Variants in ZDHHC11 observed in about 807,000 individuals in gnomAD.
ZDHHC11 encodes the protein palmitoyltransferase ZDHHC11.
Under a neutral mutation model 51.3 loss-of-function variants are expected in ZDHHC11, and 44 were observed. The observed-to-expected ratio is 0.86, with a 90% confidence interval of 0.67 to 1.10. The LOEUF is 1.10. ZDHHC11 is among the 50% of genes least tolerant of loss of function. ZDHHC11 has a pLI of 0.00. For missense variants in ZDHHC11, 400 were observed against 537.7 expected (o/e 0.74, Z 2.53); for synonymous variants, 163 against 222.0 (o/e 0.73, Z 2.36).
chr5:815,050 G>A lies in ZDHHC11; in HGVS notation c.1147-255C>T, dbSNP rs1304007024. On this transcript the variant is annotated intron_variant, in intron 10 of 12. Coordinates refer to ENST00000283441, the MANE Select transcript of ZDHHC11 (RefSeq NM_024786.3). ...CCAGTACCTCAGAATGTGACTATAT[G>A]TGGAGACAGGGTCTTGAAAGAGGTA... Among the ~76,000 whole-genome samples the A allele has an allele frequency of 2.0e-5, 3 of 151,362 alleles. 1 individual carries two copies. Among genetic ancestry groups the A allele is most frequent in the Non-Finnish European group, 4.4e-5 (3 of 67,674 alleles).
intron 10 of ZDHHC11, among the ~76,000 whole-genome samples, chr5:818,490 G>T (rs143317094): frequency 6.6e-6 from 1 of 151,766 alleles, no homozygotes; most frequent in African/African-American, 2.4e-5. Flanking sequence ...GTGGTGAGGC[G>T]GCCCTGCCCC....
At chr5:845,233 C>CTGG (rs1745940952) in intron 3 of ZDHHC11, among the ~76,000 whole-genome samples, 1 of 152,308 alleles carries the variant, frequency 6.6e-6, no homozygotes, top group Non-Finnish European at 1.5e-5. Flanking sequence ...AAGCAGCAGC[C>CTGG]CCTCCAGGCA....
At chr5:818,016 T>C (rs1741047494) in intron 10 of ZDHHC11, among the ~76,000 whole-genome samples, 1 of 151,190 alleles carries the variant, frequency 6.6e-6, no homozygotes, top group East Asian at 1.9e-4. Flanking sequence ...TCCTCCCCGA[T>C]GTGAACAATG....
At chr5:809,426 G>A (rs374191091) in intron 11 of ZDHHC11, among the ~76,000 whole-genome samples, 3 of 147,752 alleles carry the variant, frequency 2.0e-5, no homozygotes, top group South Asian at 2.1e-4. Context: ...TGTGGGTCCC[G>A]GATGACAGGA....
At chr5:857,088 C>T (rs73018855) in intron 1 of ZDHHC11, among the ~76,000 whole-genome samples, 15,288 of 152,206 alleles carry the variant, frequency 0.1, 2,112 homozygotes, top group African/African-American at 0.31. Context: ...CACACACTCC[C>T]ACACACAATT....
Position 801,111 on chromosome 5 carries a change from T to C in ZDHHC11, c.1235A>G (p.Asp412Gly). The change falls in exon 12 of 13, where the codon GAC becomes GGC. Residue 412 changes from aspartate to glycine, a missense_variant. Coordinates refer to ENST00000283441, the MANE Select transcript of ZDHHC11 (RefSeq NM_024786.3). ...PMKTDSAESED is the reference protein window; with the variant it reads ...PMKTDSAESEG ...GCCACGTATCTTACCTGAATCTCAG[T>C]CTTCACTTTCAGCACTGTCAGTTTT... 2 of 1,610,020 alleles carry C rather than the reference T, an allele frequency of 1.2e-6. No homozygotes were observed. The highest frequency in any genetic ancestry group is 1.7e-6 in the Non-Finnish European group (2 of 1,176,854).
chr5:819,456 G>C, intron 10 of ZDHHC11, 69 bp downstream of exon 10: 1 of 1,526,462 alleles, frequency 6.6e-7, no homozygotes, highest in Non-Finnish European at 9.1e-7. Context: ...CCTCAGCTTG[G>C]GGGACCTCAG....
chr5:795,970 C>T lies in ZDHHC11; in HGVS notation c.*618G>A, dbSNP rs1316021007. The T allele has an allele frequency of 1.9e-4, 29 of 153,072 alleles. No homozygotes were observed. The highest frequency in any genetic ancestry group is 6.6e-4 in the African/African-American group (27 of 40,710). The allele number at this position is 153,072 out of a possible 1,614,324, so 9.5% of individuals were successfully genotyped here. ...TTTCTCAGTACTGTATGCCCATTTC[C>T]CAGTACTGTGCTCCCATTTCTCAGT... On this transcript the variant is annotated 3_prime_UTR_variant, in exon 13 of 13. Coordinates refer to ENST00000283441, the MANE Select transcript of ZDHHC11 (RefSeq NM_024786.3).
rs1199241459 is a variant in ZDHHC11 at position 795,679 on chromosome 5, G to T, written c.*909C>A. 6 of 154,146 alleles carry T rather than the reference G, an allele frequency of 3.9e-5. No homozygotes were observed. The highest frequency in any genetic ancestry group is 1.5e-4 in the African/African-American group (6 of 41,330). The allele number at this position is 154,146 out of a possible 1,614,324, so 9.5% of individuals were successfully genotyped here. ...AAATGACTACTAAACAGATTAAAAT[G>T]CAGAGTTCATTAAAATACAGAGGAT... On this transcript the variant is annotated 3_prime_UTR_variant, in exon 13 of 13. Coordinates refer to ENST00000283441, the MANE Select transcript of ZDHHC11 (RefSeq NM_024786.3).
chr5:858,559 G>T (rs1379622623), intron 1 of ZDHHC11, among the ~76,000 whole-genome samples: 4 of 152,080 alleles, frequency 2.6e-5, no homozygotes, highest in African/African-American at 9.7e-5. Context: ...CTGCCCTTAT[G>T]ACACTCTGGC....
chr5:820,317 A>C lies in ZDHHC11; in HGVS notation c.1059-705T>G, dbSNP rs1245719635. Reference sequence around the variant, plus strand: ...AGAAAAGCAATTTCATAGAAGACTTAATGGGTCGTTTGAAAGGGAATGAAC... The same window carrying C: ...AGAAAAGCAATTTCATAGAAGACTTCATGGGTCGTTTGAAAGGGAATGAAC... On this transcript the variant is annotated intron_variant, in intron 9 of 12. Transcript: ENST00000283441. 2.0e-5 allele frequency among the ~76,000 whole-genome samples: 3 copies of C among 151,590 alleles called. 1 individual carries two copies. Among genetic ancestry groups the C allele is most frequent in the South Asian group, 4.2e-4 (2 of 4,794 alleles).
Position 818,483 on chromosome 5 carries a change from G to A in ZDHHC11, c.1146+1042C>T, listed in dbSNP as rs75452759. On this transcript the variant is annotated intron_variant, in intron 10 of 12. Transcript: ENST00000283441. ...TTCCCTGAAGTCCTGGGGAAGTGTG[G>A]TGAGGCGGCCCTGCCCCAACAGGGA... Among the ~76,000 whole-genome samples, 42 of 151,762 alleles carry A rather than the reference G, an allele frequency of 2.8e-4. 1 individual carries two copies. In the East Asian group the frequency reaches 6.9e-3, roughly 25 times the overall value.
chr5:818,542 C>T (rs370731334), intron 10 of ZDHHC11, among the ~76,000 whole-genome samples: 6 of 151,632 alleles, frequency 4.0e-5, no homozygotes, highest in Non-Finnish European at 8.9e-5. Context: ...AGAAGCTGGC[C>T]GCCTCACAAA....
At position 839,808 on chromosome 5, in the gene ZDHHC11, G is replaced by T. The variant is rs553880409; in HGVS notation, c.784+687C>A. 25 of 216,364 alleles carry T rather than the reference G, an allele frequency of 1.2e-4. No individual in the cohort carries two copies. In the South Asian group the frequency reaches 1.9e-3, roughly 17 times the overall value. 13.4% of individuals were successfully genotyped at this position (216,364 alleles called of 1,614,324 possible). Reference sequence around the variant, plus strand: ...GGGGCTGGCCTGGACACACTCTGCTGCCCGTGTCCACAGAAACCCCCTGAG... The same window carrying T: ...GGGGCTGGCCTGGACACACTCTGCTTCCCGTGTCCACAGAAACCCCCTGAG... On this transcript the variant is annotated intron_variant, in intron 5 of 12. Transcript: ENST00000283441.
intron 1 of ZDHHC11, 72 bp downstream of exon 1, chr5:850,309 C>T (rs1368024724): frequency 1.7e-5 from 26 of 1,528,236 alleles, no homozygotes; most frequent in Non-Finnish European, 1.6e-5. Context: ...GGCCCAGACC[C>T]CACAGCCAGG....
intron 7 of ZDHHC11, among the ~76,000 whole-genome samples, chr5:827,589 C>G (rs1284894677): frequency 6.6e-6 from 1 of 150,912 alleles, no homozygotes; most frequent in East Asian, 1.9e-4. Context: ...TATTCTGATA[C>G]CAGACTCAAC....
At chr5:851,318 C>G (rs910812360), upstream of ZDHHC11, among the ~76,000 whole-genome samples, 9 of 151,840 alleles carry the variant, frequency 5.9e-5, no homozygotes, top group South Asian at 2.1e-4. Flanking sequence ...GCTGCGGCTG[C>G]TCCTGGCCAG....
chr5:797,226 G>GTGTGTA (rs1554047801), intron 12 of ZDHHC11, among the ~76,000 whole-genome samples: 2 of 125,680 alleles, frequency 1.6e-5, no homozygotes, highest in South Asian at 5.2e-4. Context: ...GTGTGTGTGT[G>GTGTGTA]TATATATATA....
upstream of ZDHHC11, among the ~76,000 whole-genome samples, chr5:855,212 A>T (rs1748004985): frequency 2.0e-5 from 3 of 146,968 alleles, no homozygotes; most frequent in Admixed American, 1.3e-4. Flanking sequence ...GAGAACAGTG[A>T]GCAGCGGGGA....
Sources: allele counts gnomAD v4.1 joint callset (sites outside exome capture counted in the v4.1 genomes callset), GRCh38; gene constraint gnomAD v4.1.1; transcripts MANE v1.5; gene names NCBI Gene and HGNC (gene_info 2026-07-23, HGNC 2026-07-21).